Variants in GARIN5B observed in about 807,000 individuals in gnomAD.
GARIN5B encodes the protein golgi associated RAB2 interactor family member 5B, also known as Golgi-associated RAB2 interactor protein 5B.
At chr19:55,362,385 C>T in the GARIN5B span, 1 of 1,550,544 alleles carries the variant, frequency 6.4e-7, no homozygotes, top group Admixed American at 2.0e-5. Context: ...AGGAAGCCCA[C>T]CTCGTTGTCA....
the GARIN5B span, among the ~76,000 whole-genome samples, chr19:55,357,474 T>A: frequency 6.6e-6 from 1 of 152,204 alleles, no homozygotes; most frequent in African/African-American, 2.4e-5. Flanking sequence ...GGGACTGCAG[T>A]GGCTGTTCCT....
chr19:55,358,714 T>C, the GARIN5B span: 1 of 1,550,654 alleles, frequency 6.4e-7, no homozygotes, highest in Non-Finnish European at 8.7e-7. Context: ...AGGAGGGAAG[T>C]GAGACCAAAG....
At chr19:55,357,466 G>A in the GARIN5B span, among the ~76,000 whole-genome samples, 143 of 152,304 alleles carry the variant, frequency 9.4e-4, 1 homozygote, top group Non-Finnish European at 1.7e-3. Context: ...CTGCCTCAGG[G>A]ACTGCAGTGG....
At chr19:55,362,284 C>T in the GARIN5B span, 1 of 1,547,344 alleles carries the variant, frequency 6.5e-7, no homozygotes, top group African/African-American at 1.4e-5. Flanking sequence ...CGGCCAGCGG[C>T]ATATCCAGGG....
chr19:55,362,138 C>T, the GARIN5B span: 1 of 1,399,408 alleles, frequency 7.1e-7, no homozygotes, highest in Non-Finnish European at 9.4e-7. Flanking sequence ...ACTCAGGGGT[C>T]CAGGCCCCCG....
At chr19:55,360,050 C>A in the GARIN5B span, 1 of 1,435,552 alleles carries the variant, frequency 7.0e-7, no homozygotes, top group East Asian at 2.5e-5. Context: ...GAGGGCAGAC[C>A]CCTGCTCCCT....
the GARIN5B span, chr19:55,359,643 A>G: frequency 1.9e-6 from 3 of 1,550,598 alleles, no homozygotes; most frequent in Non-Finnish European, 2.6e-6. Flanking sequence ...GCCTTACAAG[A>G]TGTGACAAGG....
At chr19:55,362,724 A>G in the GARIN5B span, 1 of 1,533,266 alleles carries the variant, frequency 6.5e-7, no homozygotes, top group Non-Finnish European at 8.8e-7. Context: ...GGCCCCCTTG[A>G]TGGGTCACCT....
the GARIN5B span, chr19:55,361,055 G>A: frequency 6.4e-7 from 1 of 1,550,822 alleles, no homozygotes; most frequent in Non-Finnish European, 8.7e-7. Context: ...GACCAGATGA[G>A]GGGCACAGAG....
At chr19:55,358,508 G>T in the GARIN5B span, 48 of 1,529,708 alleles carry the variant, frequency 3.1e-5, no homozygotes, top group Non-Finnish European at 4.0e-5. Context: ...GGGGTCCCAG[G>T]GTGGCTCCTT....
At chr19:55,360,784 C>T in the GARIN5B span, 20 of 1,551,496 alleles carry the variant, frequency 1.3e-5, no homozygotes, top group Admixed American at 1.8e-4. Context: ...ATGGGGGAGC[C>T]GTCTGAGCCC....
the GARIN5B span, chr19:55,360,949 G>C: frequency 6.5e-7 from 1 of 1,545,242 alleles, no homozygotes; most frequent in Non-Finnish European, 8.8e-7. Context: ...TCTGGGCTGG[G>C]GTCTCCCACC....
chr19:55,359,598 C>G, the GARIN5B span: 1 of 1,551,240 alleles, frequency 6.4e-7, no homozygotes, highest in Non-Finnish European at 8.7e-7. Context: ...GCAGGTACAG[C>G]TGGGAGCTTC....
chr19:55,360,813 G>T, the GARIN5B span: 11 of 1,551,064 alleles, frequency 7.1e-6, no homozygotes. Context: ...AGGAACCAGA[G>T]CCACACACTG....
the GARIN5B span, among the ~76,000 whole-genome samples, chr19:55,355,849 G>C: frequency 6.6e-6 from 1 of 151,936 alleles, no homozygotes; most frequent in African/African-American, 2.4e-5. Context: ...AGCCAGGCGT[G>C]TTGGTGCGTG....
the GARIN5B span, chr19:55,359,219 G>A: frequency 1.5e-5 from 24 of 1,551,134 alleles, no homozygotes; most frequent in African/African-American, 2.7e-5. Flanking sequence ...CGGGCTCAGC[G>A]CCATCTGGTA....
the GARIN5B span, chr19:55,361,125 C>G: frequency 2.6e-6 from 4 of 1,550,548 alleles, no homozygotes; most frequent in East Asian, 7.3e-5. Flanking sequence ...GAGGAAGGGA[C>G]GGTTAGACAG....
At chr19:55,362,185 G>A in the GARIN5B span, 2 of 1,452,516 alleles carry the variant, frequency 1.4e-6, no homozygotes, top group African/African-American at 1.4e-5. Flanking sequence ...GTCCCCTCTG[G>A]ATCTGGCCGG....
At chr19:55,360,632 G>A in the GARIN5B span, 3 of 1,530,200 alleles carry the variant, frequency 2.0e-6, no homozygotes, top group African/African-American at 1.4e-5. Context: ...AGGAGTCCAG[G>A]CCTCCAGCCC....
Sources: gnomAD v4.1 joint callset for allele counts (sites outside exome capture counted in the v4.1 genomes callset) on GRCh38, gnomAD v4.1.1 for gene constraint, MANE v1.5 for transcripts, NCBI Gene and HGNC (gene_info 2026-07-23, HGNC 2026-07-21) for gene names.